The following USP34 variants were observed in gnomAD, a reference collection of about 807,000 sequenced individuals.
USP34 encodes the protein ubiquitin carboxyl-terminal hydrolase 34.
Under a neutral mutation model 460.3 loss-of-function variants are expected in USP34, and 70 were observed. The ratio of observed to expected loss-of-function variants is 0.15; its 90% CI spans 0.13 to 0.19. The LOEUF (loss-of-function observed/expected upper bound fraction) is 0.19. Ranked by LOEUF, USP34 falls within the 10% of genes least tolerant of loss-of-function variation. The pLI, the probability that USP34 is intolerant of heterozygous loss-of-function variation, is 1.00. For missense variants in USP34, 3,985 were observed against 4,236.2 expected, an observed-to-expected ratio of 0.94 and a Z score of 1.65; for synonymous variants, 1,647 against 1,405.3, an observed-to-expected ratio of 1.17 and a Z score of -3.85.
At chr2:61,203,058 T>C in intron 75 of USP34, 82 bp downstream of exon 75, 1 of 1,316,134 alleles carries the variant, frequency 7.6e-7, no homozygotes, top group Non-Finnish European at 1.0e-6. Context: ...AAAAGGATTG[T>C]CTCATAATTT....
At chr2:61,465,566 G>A (rs1695735772) in intron 1 of USP34, among the ~76,000 whole-genome samples, 1 of 152,120 alleles carries the variant, frequency 6.6e-6, no homozygotes, top group South Asian at 2.1e-4. Flanking sequence ...TAACTGGCCA[G>A]GCATGGTAGC....
Position 61,206,101 on chromosome 2 carries a change from A to G in USP34, c.9070T>C (p.Trp3024Arg). Reference protein sequence around the residue: ...RKDVKQALIQWQERIEFAHKL... With the variant: ...RKDVKQALIQRQERIEFAHKL... ...TGGGCAAATTCAATTCGCTCCTGCC[A>G]CTGGATTAATGCTTGTTTCACATCT... Residue 3024 changes from tryptophan to arginine, a missense_variant, in exon 72 of 80, where the codon TGG becomes CGG. Trp to Arg is a moderately radical substitution (Grantham distance 101). Coordinates refer to ENST00000398571, the MANE Select transcript of USP34 (RefSeq NM_014709.4). 1.9e-6 allele frequency: 3 copies of G among 1,613,808 alleles called. No individual in the cohort carries two copies. The highest frequency in any genetic ancestry group is 2.5e-6 in the Non-Finnish European group (3 of 1,179,792).
At chr2:61,299,575 A>T (rs1354143858) in intron 29 of USP34, among the ~76,000 whole-genome samples, 1 of 152,052 alleles carries the variant, frequency 6.6e-6, no homozygotes, top group African/African-American at 2.4e-5. Flanking sequence ...CAACATAGAG[A>T]GACCATGTCT....
At chr2:61,356,475 G>GCGCGCGCGCACACA (rs369666693) in intron 10 of USP34, among the ~76,000 whole-genome samples, 1 of 128,332 alleles carries the variant, frequency 7.8e-6, no homozygotes, top group Admixed American at 8.5e-5. Flanking sequence ...GGGTGAAAGC[G>GCGCGCGCGCACACA]CACACACACA....
At chr2:61,411,654 A>G (rs1161749639) in intron 2 of USP34, among the ~76,000 whole-genome samples, 2 of 152,008 alleles carry the variant, frequency 1.3e-5, no homozygotes, top group Admixed American at 1.3e-4. Context: ...GTCCTTCTAG[A>G]GTGTTCTTAG....
chr2:61,361,778 T>C (rs1648493255), intron 10 of USP34, among the ~76,000 whole-genome samples: 1 of 152,152 alleles, frequency 6.6e-6, no homozygotes. Context: ...TGACAGGAAC[T>C]ATTAGCATAG....
At chr2:61,196,239 CCTGG>C (rs1175417768) in intron 75 of USP34, among the ~76,000 whole-genome samples, 3 of 150,928 alleles carry the variant, frequency 2.0e-5, no homozygotes, top group African/African-American at 7.3e-5. Context: ...CGCCACCATG[CCTGG>C]CTAATTTTTT....
intron 10 of USP34, among the ~76,000 whole-genome samples, chr2:61,368,671 T>C (rs190394147): frequency 9.7e-4 from 147 of 152,192 alleles, no homozygotes; most frequent in Admixed American, 2.7e-3. Flanking sequence ...GGGAGGAAAG[T>C]TGGACACATA....
chr2:61,345,166 C>T (rs557405825), intron 15 of USP34, among the ~76,000 whole-genome samples: 5 of 151,918 alleles, frequency 3.3e-5, no homozygotes, highest in African/African-American at 7.2e-5. Context: ...CACAGCTACT[C>T]GGGAGGCTGA....
At chr2:61,326,257 G>A (rs1403687238) in intron 20 of USP34, among the ~76,000 whole-genome samples, 7 of 152,150 alleles carry the variant, frequency 4.6e-5, no homozygotes, top group African/African-American at 1.7e-4. Context: ...GTCTAGGCTG[G>A]AGTGCAGTGA....
chr2:61,297,517 T>C (rs984025990), intron 29 of USP34, among the ~76,000 whole-genome samples: 7 of 152,148 alleles, frequency 4.6e-5, no homozygotes, highest in Non-Finnish European at 8.8e-5. Flanking sequence ...ACTTAGGAAA[T>C]AGGCAATTAA....
intron 67 of USP34, 138 bp downstream of exon 67, chr2:61,220,151 TAAAAAAAAAAAAAAAAAAAAA>T (rs60784334): frequency 3.5e-5 from 6 of 169,412 alleles, no homozygotes; most frequent in Non-Finnish European, 4.9e-5. Flanking sequence ...TTTCCTATCC[TAAAAAAAAAAAAAAAAAAAAA>T]AAAAAAAAAA....
At chr2:61,343,311 T>C (rs1485704611) in intron 16 of USP34, among the ~76,000 whole-genome samples, 1 of 152,214 alleles carries the variant, frequency 6.6e-6, no homozygotes, top group Non-Finnish European at 1.5e-5. Context: ...GGTCATGTCC[T>C]ATTACTTTAA....
intron 65 of USP34, 39 bp from the exon 66 acceptor site, chr2:61,221,645 T>A (rs1459646827): frequency 6.4e-7 from 1 of 1,573,764 alleles, no homozygotes; most frequent in African/African-American, 1.4e-5. Flanking sequence ...TAGATCAATC[T>A]GAACCCATCT....
rs1688414606 is a variant in USP34, at chr2:61,246,263, G to C, written c.6548+61C>G. 2.3e-6 allele frequency: 3 copies of C among 1,324,928 alleles called. No homozygotes were observed. In the South Asian group the frequency reaches 6.8e-5, roughly 30 times the overall value. The allele number at this position is 1,324,928 out of a possible 1,614,324, so 82.1% of individuals were successfully genotyped here. A position where few individuals can be genotyped will look rare whatever the true frequency, so the allele number is the denominator to read the frequency against. ...GCAAGTTTTTAGAAAACTAAACACTGAAAACATATCAGAAAACTACCATAA... is the reference window on the plus strand; with the variant it reads ...GCAAGTTTTTAGAAAACTAAACACTCAAAACATATCAGAAAACTACCATAA... On this transcript the variant is annotated intron_variant, in intron 50 of 79. Coordinates refer to ENST00000398571, the MANE Select transcript of USP34 (RefSeq NM_014709.4).
intron 2 of USP34, among the ~76,000 whole-genome samples, chr2:61,416,593 A>C (rs1332029189): frequency 6.6e-6 from 1 of 152,132 alleles, no homozygotes; most frequent in Non-Finnish European, 1.5e-5. Flanking sequence ...ACTTAACAAC[A>C]TGAAGAATTA....
rs1317948600 is a variant in USP34, at chr2:61,365,135, C to T, written c.1251+5186G>A. ...GGCATGGAGGTGCGCGCCTATAATC[C>T]CAGCTACTCAGGAGGCTGAGGCAGG... On this transcript the variant is annotated intron_variant, in intron 10 of 79. Coordinates refer to ENST00000398571, the MANE Select transcript of USP34 (RefSeq NM_014709.4). 2.6e-5 allele frequency among the ~76,000 whole-genome samples: 4 copies of T among 151,702 alleles called. No individual in the cohort carries two copies. The East Asian group carries it at 5.9e-4, about 22-fold the overall frequency.
At chr2:61,349,498 G>C (rs189546296) in intron 12 of USP34, among the ~76,000 whole-genome samples, 56 of 152,196 alleles carry the variant, frequency 3.7e-4, no homozygotes. Flanking sequence ...GACAAAAACT[G>C]AGTTCAACTA....
chr2:61,325,307 G>T (rs1366163117), intron 21 of USP34, 68 bp downstream of exon 21: 9 of 1,035,838 alleles, frequency 8.7e-6, no homozygotes, highest in Non-Finnish European at 1.2e-5. Flanking sequence ...GAAATCAGAA[G>T]CAAAAGTAAA....
Sources: allele counts gnomAD v4.1 joint callset (sites outside exome capture counted in the v4.1 genomes callset), GRCh38; gene constraint gnomAD v4.1.1; transcripts MANE v1.5; gene names NCBI Gene and HGNC (gene_info 2026-07-23, HGNC 2026-07-21).